SLC14A2: variants seen among roughly 807,000 people sequenced by gnomAD.
SLC14A2 encodes solute carrier family 14 member 2, also known as urea transporter 2.
Under a neutral mutation model 104.6 loss-of-function variants are expected in SLC14A2, and 91 were observed. That is an observed-to-expected ratio of 0.87 (90% CI 0.73 to 1.04). The LOEUF is 1.04. Among genes scored for constraint, SLC14A2 ranks in the 50% least tolerant of loss-of-function variants. The pLI, the probability that SLC14A2 is intolerant of heterozygous loss-of-function variation, is 0.00. For synonymous variants in SLC14A2, 476 were observed against 466.4 expected (o/e 1.02, Z -0.27); for missense variants, 1,189 against 1,156.0 (o/e 1.03, Z -0.41).
chr18:45,208,257 A>AT (rs926706656), upstream of SLC14A2, among the ~76,000 whole-genome samples: 3 of 152,158 alleles, frequency 2.0e-5, 1 homozygote, highest in Non-Finnish European at 4.4e-5. Flanking sequence ...TAAAATATAT[A>AT]TTTTTTTCTC....
At chr18:45,315,107 TAAG>T (rs1245582144) in intron 1 of SLC14A2, among the ~76,000 whole-genome samples, 3 of 151,964 alleles carry the variant, frequency 2.0e-5, no homozygotes, top group African/African-American at 4.8e-5. Context: ...TCCCTGACAA[TAAG>T]AAGAACTGTA....
At position 45,265,541 on chromosome 18, in the gene SLC14A2, T is replaced by C. The variant is rs1029696719; in HGVS notation, c.-125+52350T>C. 2.0e-5 allele frequency among the ~76,000 whole-genome samples: 3 copies of C among 152,186 alleles called. No homozygotes were observed. In the East Asian group the frequency reaches 5.8e-4, roughly 29 times the overall value. On this transcript the variant is annotated intron_variant, in intron 1 of 20. Transcript: ENST00000586448. ...GTGTCTGCCCACCCTTTCATTTTATTTGGACTCTTGTAAAAGGCACTTGGC... is the reference window on the plus strand; with the variant it reads ...GTGTCTGCCCACCCTTTCATTTTATCTGGACTCTTGTAAAAGGCACTTGGC...
rs568231014 is a variant in SLC14A2 at position 45,637,313 on chromosome 18, G to C, written c.843+131G>C. 4.4e-6 allele frequency: 3 copies of C among 682,432 alleles called. No homozygotes were observed. The South Asian group carries it at 6.4e-5, about 15-fold the overall frequency. The allele number at this position is 682,432 out of a possible 1,614,324, so 42.3% of individuals were successfully genotyped here. Reference sequence around the variant, plus strand: ...TATACCAGATGATGGGCCTCAGCAGGGTATCAGAAAGGGTTGCTGCCACAT... The same window carrying C: ...TATACCAGATGATGGGCCTCAGCAGCGTATCAGAAAGGGTTGCTGCCACAT... On this transcript the variant is annotated intron_variant, in intron 6 of 19. Coordinates refer to ENST00000255226, the MANE Select transcript of SLC14A2 (RefSeq NM_007163.4).
intron 1 of SLC14A2, among the ~76,000 whole-genome samples, chr18:45,313,907 T>C (rs145246526): frequency 6.6e-6 from 1 of 152,326 alleles, no homozygotes; most frequent in East Asian, 1.9e-4. Flanking sequence ...GTTTTTATTG[T>C]TGAAAATCTA....
Position 45,615,889 on chromosome 18 carries a change from T to C in SLC14A2, c.-35+307T>C, listed in dbSNP as rs1029736504. On this transcript the variant is annotated intron_variant, in intron 1 of 19. Transcript: ENST00000255226. ...AGAGAGAGACTACTACATTGTGAAA[T>C]AGTCCACCACACAAGCCAGAGCAGA... Among the ~76,000 whole-genome samples, 6 of 150,788 alleles carry C rather than the reference T, an allele frequency of 4.0e-5. No homozygotes were observed. In the East Asian group the frequency reaches 5.8e-4, roughly 15 times the overall value.
At chr18:45,430,541 G>GTTATTTTATT (rs10531956) in intron 1 of SLC14A2, among the ~76,000 whole-genome samples, 7 of 151,132 alleles carry the variant, frequency 4.6e-5, no homozygotes, top group African/African-American at 1.7e-4. Context: ...TGGAAGGGAA[G>GTTATTTTATT]TTATTTTATT....
chr18:45,597,751 G>A (rs2044734842), intron 2 of SLC14A2, among the ~76,000 whole-genome samples: 1 of 152,224 alleles, frequency 6.6e-6, no homozygotes, highest in Non-Finnish European at 1.5e-5. Flanking sequence ...GCAGGCACAG[G>A]AGGATGCAGA....
chr18:45,581,213 A>AGAGG (rs1360926772), intron 2 of SLC14A2, among the ~76,000 whole-genome samples: 3 of 152,196 alleles, frequency 2.0e-5, no homozygotes, highest in African/African-American at 2.4e-5. Flanking sequence ...AACAGAGGGC[A>AGAGG]GAGGGGTGTG....
At chr18:45,254,092 G>A (rs2084450690) in intron 1 of SLC14A2, among the ~76,000 whole-genome samples, 1 of 152,154 alleles carries the variant, frequency 6.6e-6, no homozygotes, top group African/African-American at 2.4e-5. Flanking sequence ...CAGGTCCTGG[G>A]ACGATCCCTG....
chr18:45,575,795 TTTTTTTTTCTTCCCAC>T, intron 2 of SLC14A2, among the ~76,000 whole-genome samples: 1 of 152,058 alleles, frequency 6.6e-6, no homozygotes, highest in Non-Finnish European at 1.5e-5. Flanking sequence ...TGTTCTTTTT[TTTTTTTTTCTTCCCAC>T]TTTTTTTTCT....
chr18:45,207,553 G>A, the SLC14A2 span, among the ~76,000 whole-genome samples: 1 of 152,072 alleles, frequency 6.6e-6, no homozygotes, highest in Non-Finnish European at 1.5e-5. Flanking sequence ...AAAATCTAAG[G>A]TTGGAATCAG....
intron 2 of SLC14A2, among the ~76,000 whole-genome samples, chr18:45,513,805 C>G (rs184781970): frequency 2.0e-4 from 31 of 152,178 alleles, no homozygotes; most frequent in African/African-American, 5.8e-4. Context: ...CTTACTGTAC[C>G]GACTCAGACC....
At chr18:45,286,631 C>T (rs2084817008) in intron 1 of SLC14A2, among the ~76,000 whole-genome samples, 1 of 152,086 alleles carries the variant, frequency 6.6e-6, no homozygotes, top group Admixed American at 6.6e-5. Context: ...AGGGGATTTC[C>T]CAATGTTCCC....
the SLC14A2 span, among the ~76,000 whole-genome samples, chr18:45,207,163 G>A: frequency 3.9e-5 from 6 of 152,130 alleles, no homozygotes; most frequent in Admixed American, 2.6e-4. Flanking sequence ...ATTTTAAGTA[G>A]ACAAGGGCAG....
At chr18:45,470,001 G>T (rs2087217893) in intron 1 of SLC14A2, among the ~76,000 whole-genome samples, 1 of 152,174 alleles carries the variant, frequency 6.6e-6, no homozygotes, top group South Asian at 2.1e-4. Context: ...ATCCCCAAAT[G>T]AAGTGTAATG....
intron 1 of SLC14A2, among the ~76,000 whole-genome samples, chr18:45,404,919 T>C (rs1017451782): frequency 6.6e-6 from 1 of 152,110 alleles, no homozygotes; most frequent in Admixed American, 6.6e-5. Context: ...TGTTTGAGGG[T>C]GAAGAGGGCT....
chr18:45,675,622 C>T, intron 18 of SLC14A2, among the ~76,000 whole-genome samples: 1 of 150,546 alleles, frequency 6.6e-6, no homozygotes, highest in East Asian at 1.9e-4. Flanking sequence ...TCAAGTGATC[C>T]TCCCACCTCA....
intron 11 of SLC14A2, among the ~76,000 whole-genome samples, chr18:45,664,550 C>T (rs2045983017): frequency 6.6e-6 from 1 of 152,212 alleles, no homozygotes; most frequent in Non-Finnish European, 1.5e-5. Context: ...TCTAATCCTG[C>T]CTCCAATCCC....
chr18:45,518,960 C>T (rs1222451272), intron 2 of SLC14A2, among the ~76,000 whole-genome samples: 1 of 152,160 alleles, frequency 6.6e-6, no homozygotes, highest in Non-Finnish European at 1.5e-5. Context: ...AGCCTGGTGG[C>T]ATGCAAGTAA....
Sources: allele counts gnomAD v4.1 joint callset (sites outside exome capture counted in the v4.1 genomes callset), GRCh38; gene constraint gnomAD v4.1.1; transcripts MANE v1.5; gene names NCBI Gene and HGNC (gene_info 2026-07-23, HGNC 2026-07-21).